SPTLC3: variants seen among roughly 807,000 people sequenced by gnomAD.
SPTLC3 encodes the protein serine palmitoyltransferase 3.
In SPTLC3, 36 loss-of-function variants were observed where a neutral mutation model predicts 59.3. That is an observed-to-expected ratio of 0.61 (90% CI 0.47 to 0.80). The LOEUF is 0.80. Ranked by LOEUF, SPTLC3 falls within the 30% of genes least tolerant of loss-of-function variation. SPTLC3 has a pLI of 0.00. For missense variants in SPTLC3, 625 were observed against 685.1 expected (o/e 0.91, Z 0.98); for synonymous variants, 257 against 240.8 (o/e 1.07, Z -0.62).
intron 4 of SPTLC3, among the ~76,000 whole-genome samples, chr20:13,083,136 C>A (rs1988895666): frequency 6.6e-6 from 1 of 152,206 alleles, no homozygotes; most frequent in African/African-American, 2.4e-5. Context: ...AAATACGTGA[C>A]CTGACTTTTC....
chr20:13,098,313 G>C (rs1989492203), intron 6 of SPTLC3, among the ~76,000 whole-genome samples: 1 of 152,122 alleles, frequency 6.6e-6, no homozygotes, highest in Non-Finnish European at 1.5e-5. Context: ...AATTGTGTGT[G>C]TGTGTACACA....
chr20:13,117,753 T>C, intron 8 of SPTLC3, 28 bp downstream of exon 8: 1 of 1,579,696 alleles, frequency 6.3e-7, no homozygotes, highest in Non-Finnish European at 8.6e-7. Context: ...TGTGTCTGTT[T>C]AAAACCTGAG....
At chr20:13,112,428 C>T (rs970601188) in intron 7 of SPTLC3, among the ~76,000 whole-genome samples, 1 of 152,222 alleles carries the variant, frequency 6.6e-6, no homozygotes, top group Admixed American at 6.5e-5. Flanking sequence ...GGCACTGAGA[C>T]ATTATCACTT....
At chr20:13,078,320 T>C (rs1400247211) in intron 4 of SPTLC3, among the ~76,000 whole-genome samples, 1 of 150,824 alleles carries the variant, frequency 6.6e-6, no homozygotes, top group African/African-American at 2.4e-5. Flanking sequence ...ATCAAAATAA[T>C]AGTTCAATAA....
chr20:13,064,576 A>G (rs988980264), intron 2 of SPTLC3, among the ~76,000 whole-genome samples: 2 of 152,224 alleles, frequency 1.3e-5, no homozygotes, highest in Admixed American at 6.5e-5. Flanking sequence ...ATTACAGGCC[A>G]GGTGTGAGCC....
intron 11 of SPTLC3, among the ~76,000 whole-genome samples, chr20:13,163,191 A>G (rs1259860739): frequency 6.6e-6 from 1 of 151,862 alleles, no homozygotes; most frequent in Non-Finnish European, 1.5e-5. Flanking sequence ...AACATGGTGA[A>G]ACCCCATCTC....
intron 1 of SPTLC3, among the ~76,000 whole-genome samples, chr20:13,018,309 T>C (rs1416910855): frequency 6.6e-6 from 1 of 152,234 alleles, no homozygotes; most frequent in Non-Finnish European, 1.5e-5. Context: ...TGCTTTCATT[T>C]ATATTTACAT....
chr20:13,058,621 T>C (rs1987825482), intron 2 of SPTLC3, among the ~76,000 whole-genome samples: 1 of 152,190 alleles, frequency 6.6e-6, no homozygotes, highest in Non-Finnish European at 1.5e-5. Flanking sequence ...TCCCAAGTGA[T>C]TCTCATCCGC....
chr20:13,033,356 G>A (rs947103438), intron 1 of SPTLC3, among the ~76,000 whole-genome samples: 11 of 152,156 alleles, frequency 7.2e-5, no homozygotes, highest in African/African-American at 1.7e-4. Flanking sequence ...GTTGGGAGGC[G>A]GTAAGGACTC....
chr20:13,097,118 A>G (rs1989444510), intron 6 of SPTLC3, among the ~76,000 whole-genome samples: 1 of 152,162 alleles, frequency 6.6e-6, no homozygotes, highest in African/African-American at 2.4e-5. Flanking sequence ...AAGGGACAGT[A>G]GAAAACATTA....
At chr20:13,100,455 C>A (rs1181108914) in intron 6 of SPTLC3, among the ~76,000 whole-genome samples, 1 of 152,146 alleles carries the variant, frequency 6.6e-6, no homozygotes, top group Non-Finnish European at 1.5e-5. Flanking sequence ...TAGAGCCAGG[C>A]CTGGTGGCTC....
At chr20:13,122,870 C>T (rs924408769) in intron 8 of SPTLC3, among the ~76,000 whole-genome samples, 2 of 152,130 alleles carry the variant, frequency 1.3e-5, no homozygotes, top group African/African-American at 4.8e-5. Flanking sequence ...GCTGAAAATC[C>T]TTGGTTTGAT....
intron 1 of SPTLC3, among the ~76,000 whole-genome samples, chr20:13,048,677 C>G (rs1454491825): frequency 6.6e-6 from 1 of 152,176 alleles, no homozygotes; most frequent in African/African-American, 2.4e-5. Context: ...CATACTTTAG[C>G]AACTTGCAAA....
At chr20:13,107,120 T>C (rs923534836) in intron 6 of SPTLC3, among the ~76,000 whole-genome samples, 9 of 152,232 alleles carry the variant, frequency 5.9e-5, no homozygotes, top group Admixed American at 5.9e-4. Context: ...CTTTGCGTTA[T>C]GGGTTCCAGA....
intron 7 of SPTLC3, among the ~76,000 whole-genome samples, chr20:13,115,488 G>A (rs1187402765): frequency 6.6e-6 from 1 of 151,930 alleles, no homozygotes; most frequent in South Asian, 2.1e-4. Context: ...TTTGGCTTCT[G>A]TCAAATTCAG....
intron 1 of SPTLC3, among the ~76,000 whole-genome samples, chr20:13,020,663 G>T (rs1417250618): frequency 6.6e-6 from 1 of 152,116 alleles, no homozygotes; most frequent in Non-Finnish European, 1.5e-5. Context: ...TGTTTATGTG[G>T]TAGCTTTTCG....
intron 6 of SPTLC3, among the ~76,000 whole-genome samples, chr20:13,109,779 TG>T (rs1364004151): frequency 8.5e-5 from 13 of 152,192 alleles, no homozygotes; most frequent in Admixed American, 7.9e-4. Flanking sequence ...CATTTCAGCC[TG>T]CAACAAAGCT....
At chr20:13,096,545 T>C (rs1360316144) in intron 6 of SPTLC3, among the ~76,000 whole-genome samples, 3 of 151,954 alleles carry the variant, frequency 2.0e-5, no homozygotes, top group African/African-American at 7.2e-5. Flanking sequence ...CACAAACGTG[T>C]ATACATACTG....
intron 9 of SPTLC3, among the ~76,000 whole-genome samples, chr20:13,146,069 T>C (rs374114107): frequency 6.6e-6 from 1 of 152,186 alleles, no homozygotes; most frequent in Non-Finnish European, 1.5e-5. Context: ...ATTTGGTACA[T>C]ATACACCATG....
Sources: allele counts gnomAD v4.1 joint callset (sites outside exome capture counted in the v4.1 genomes callset), GRCh38; gene constraint gnomAD v4.1.1; transcripts MANE v1.5; gene names NCBI Gene and HGNC (gene_info 2026-07-23, HGNC 2026-07-21).